Variants in RYR1 observed in about 807,000 individuals in gnomAD.
RYR1 encodes ryanodine receptor 1.
Under a neutral mutation model 583.5 loss-of-function variants are expected in RYR1, and 342 were observed. The observed-to-expected ratio is 0.59, with a 90% CI of 0.54 to 0.64. The LOEUF (loss-of-function observed/expected upper bound fraction) is 0.64. Among genes scored for constraint, RYR1 ranks in the 30% least tolerant of loss-of-function variants. RYR1 has a pLI of 0.00. For synonymous variants in RYR1, 2,791 were observed against 2,822.5 expected (o/e 0.99, Z 0.35); for missense variants, 6,032 against 6,917.2 (o/e 0.87, Z 4.54).
chr19:38,580,546 A>G (rs1318592827), intron 101 of RYR1, 42 bp downstream of exon 101: 1 of 1,611,868 alleles, frequency 6.2e-7, no homozygotes, highest in Admixed American at 1.7e-5. Context: ...TCCTTCTCGC[A>G]TCTGTTGAAG....
intron 102 of RYR1, 32 bp from the exon 103 acceptor site, chr19:38,585,906 G>A: frequency 1.9e-6 from 3 of 1,614,006 alleles, no homozygotes; most frequent in Non-Finnish European, 2.5e-6. Context: ...CAGGTCAGAG[G>A]TCGGGCACTG....
chr19:38,506,748 G>A (rs1237828404), intron 56 of RYR1, 81 bp from the exon 57 acceptor site: 1 of 1,599,696 alleles, frequency 6.3e-7, no homozygotes, highest in African/African-American at 1.3e-5. Context: ...AATTACGCAT[G>A]CCGGGCACTG....
chr19:38,463,692 G>A (rs1338161474), intron 21 of RYR1, 55 bp from the exon 22 acceptor site: 5 of 1,550,936 alleles, frequency 3.2e-6, no homozygotes, highest in Non-Finnish European at 3.6e-6. Context: ...GTCTGGGCAT[G>A]TGGGGAGTGG....
chr19:38,561,822 C>A lies in RYR1; in HGVS notation c.12624+368C>A, dbSNP rs958008121. Among the ~76,000 whole-genome samples, 1 of 152,090 alleles carries A rather than the reference C, an allele frequency of 6.6e-6. No homozygotes were observed. The highest frequency in any genetic ancestry group is 1.5e-5 in the Non-Finnish European group (1 of 67,996). On this transcript the variant is annotated intron_variant, in intron 90 of 105. Coordinates refer to ENST00000359596, the MANE Select transcript of RYR1 (RefSeq NM_000540.3). This position sits in a 1 kb window ranked among gnomAD's most constrained non-coding sequence, Gnocchi z 4.8. ...AGCCCTACCCACACTCTCACCTCCTCGAACCTGCATGGCGACACACCCCTT... is the reference window on the plus strand; with the variant it reads ...AGCCCTACCCACACTCTCACCTCCTAGAACCTGCATGGCGACACACCCCTT...
At chr19:38,506,414 T>C (rs1970453088) in intron 55 of RYR1, 37 bp downstream of exon 55, 1 of 1,613,484 alleles carries the variant, frequency 6.2e-7, no homozygotes. Context: ...ACATAGGGTG[T>C]CTTTGGGGGG....
chr19:38,515,170 G>A lies in RYR1; in HGVS notation c.9554+63G>A. ...CTGGAGGGGAAGGGAGGGAGCAGGG[G>A]AAGAAGATGGGGTGGGTGAAAAGCA... On this transcript the variant is annotated intron_variant, in intron 64 of 105. Coordinates refer to ENST00000359596, the MANE Select transcript of RYR1 (RefSeq NM_000540.3). The A allele has an allele frequency of 2.7e-6, 3 of 1,124,048 alleles. 1 individual carries two copies. Among genetic ancestry groups the A allele is most frequent in the Non-Finnish European group, 1.4e-6 (1 of 739,282 alleles). 69.6% of individuals were successfully genotyped at this position (1,124,048 alleles called of 1,614,324 possible). A position where few individuals can be genotyped will look rare whatever the true frequency, so the allele number is the denominator to read the frequency against.
chr19:38,552,352 T>C (rs1057456390), intron 89 of RYR1, among the ~76,000 whole-genome samples: 6 of 151,974 alleles, frequency 3.9e-5, no homozygotes, highest in Non-Finnish European at 8.8e-5. Flanking sequence ...CTTCCTGGGT[T>C]CAAGCGATTC....
At position 38,500,760 on chromosome 19, in the gene RYR1, T is replaced by G. The variant is rs201809210; in HGVS notation, c.7444+34T>G. Reference sequence around the variant, plus strand: ...GGGATGGAACTTGGCGAAGGAGTGATGCTGGGGAGGGAGCGGCTGGGTCCG... The same window carrying G: ...GGGATGGAACTTGGCGAAGGAGTGAGGCTGGGGAGGGAGCGGCTGGGTCCG... On this transcript the variant is annotated intron_variant, in intron 46 of 105. Coordinates refer to ENST00000359596, the MANE Select transcript of RYR1 (RefSeq NM_000540.3). The surrounding 1 kb of genome is among the most constrained non-coding windows in gnomAD (Gnocchi z 5.9). The G allele has an allele frequency of 2.7e-4, 436 of 1,614,048 alleles. 2 individuals are homozygous for G. The African/African-American group carries it at 5.2e-3, about 19-fold the overall frequency.
At chr19:38,578,257 G>C in intron 99 of RYR1, 53 bp downstream of exon 99, 1 of 1,588,842 alleles carries the variant, frequency 6.3e-7, no homozygotes, top group Non-Finnish European at 8.6e-7. Context: ...GGGGCGTTAG[G>C]AGGGTTCCCA....
At chr19:38,572,845 C>T (rs1377260448) in intron 95 of RYR1, among the ~76,000 whole-genome samples, 1 of 150,658 alleles carries the variant, frequency 6.6e-6, no homozygotes, top group Non-Finnish European at 1.5e-5. Flanking sequence ...CCACTGCCAG[C>T]CCCGACTGCT....
chr19:38,558,806 A>AT (rs201481299), intron 89 of RYR1, among the ~76,000 whole-genome samples: 9,156 of 151,148 alleles, frequency 0.061, 403 homozygotes, highest in South Asian at 0.22. Flanking sequence ...TTTTAAAAAA[A>AT]TAGTCCAGGT....
chr19:38,488,360 A>C (rs141479362), intron 34 of RYR1, among the ~76,000 whole-genome samples: 9 of 151,758 alleles, frequency 5.9e-5, no homozygotes, highest in African/African-American at 2.2e-4. Flanking sequence ...TCTTTCCTTC[A>C]AACCTCTACC....
intron 36 of RYR1, 80 bp downstream of exon 36, chr19:38,490,356 C>T: frequency 1.4e-6 from 2 of 1,379,458 alleles, no homozygotes; most frequent in Non-Finnish European, 2.0e-6. Context: ...CACTGAGGAC[C>T]CTCAACCTCT....
chr19:38,446,920 G>A (rs1255682000), intron 9 of RYR1, 152 bp downstream of exon 9: 4 of 649,338 alleles, frequency 6.2e-6, no homozygotes, highest in Admixed American at 2.9e-5. Context: ...TGAAAATCTC[G>A]GCCAGGCGTG....
intron 66 of RYR1, among the ~76,000 whole-genome samples, chr19:38,517,959 CT>C (rs979672438): frequency 2.6e-5 from 4 of 151,946 alleles, no homozygotes; most frequent in Admixed American, 6.6e-5. Flanking sequence ...CAAAACAAAA[CT>C]TTTTTTTAAT....
chr19:38,569,460 C>T (rs1973612865), intron 93 of RYR1, among the ~76,000 whole-genome samples: 1 of 151,274 alleles, frequency 6.6e-6, no homozygotes, highest in Admixed American at 6.6e-5. Flanking sequence ...GAGGCTGAGG[C>T]GGGAGGATCA....
At position 38,586,197 on chromosome 19, in the gene RYR1, C is replaced by T. The variant is rs1454690835; in HGVS notation, c.14969+6C>T. On this transcript the variant is annotated splice_donor_region_variant and intron_variant, in intron 104 of 105. Transcript: ENST00000359596. The stretch of plus-strand genomic sequence containing the variant: ...CACAACCTGGCCAATTACATGTGAG[C>T]AGACACACTGGCCAGTCAGGAGGGT... 1 of 1,612,614 alleles carries T rather than the reference C, an allele frequency of 6.2e-7. No homozygotes were observed. Among genetic ancestry groups the T allele is most frequent in the Non-Finnish European group, 8.5e-7 (1 of 1,179,240 alleles).
chr19:38,510,919 T>C lies in RYR1; in HGVS notation c.9122+138T>C. On this transcript the variant is annotated intron_variant, in intron 60 of 105. Transcript: ENST00000359596. ...AAGGCGATTGAAGGGTGACCAGCCA[T>C]CCTAGTGTACCCGGGACTGAAGGGT... 3.1e-6 allele frequency: 4 copies of C among 1,306,338 alleles called. No homozygotes were observed. The Admixed American group carries it at 7.9e-5, about 26-fold the overall frequency. The allele number at this position is 1,306,338 out of a possible 1,614,324, so 80.9% of individuals were successfully genotyped here.
chr19:38,491,493 A>G (rs889849981), intron 37 of RYR1, among the ~76,000 whole-genome samples: 1 of 151,450 alleles, frequency 6.6e-6, no homozygotes, highest in Non-Finnish European at 1.5e-5. Context: ...CAGGGGCACA[A>G]TCTTAGCTCA....
Sources: gnomAD v4.1 joint callset for allele counts (sites outside exome capture counted in the v4.1 genomes callset) on GRCh38, gnomAD v4.1.1 for gene constraint, Gnocchi (gnomAD v3.1) non-coding constraint, MANE v1.5 for transcripts, NCBI Gene and HGNC (gene_info 2026-07-23, HGNC 2026-07-21) for gene names.